The following MYCT1 variants were observed in gnomAD, a reference collection of about 807,000 sequenced individuals.
MYCT1 encodes myc target protein 1.
MYCT1 carries 12 observed loss-of-function variants against 15.0 expected under a neutral mutation model. That is an observed-to-expected ratio of 0.80 (90% CI 0.51 to 1.29). The LOEUF (loss-of-function observed/expected upper bound fraction) is 1.29. MYCT1 is among the 50% of genes most tolerant of loss of function. The pLI is 0.00. For missense variants in MYCT1, 287 were observed against 279.1 expected, an observed-to-expected ratio of 1.03 and a Z score of -0.20; for synonymous variants, 104 against 102.7, an observed-to-expected ratio of 1.01 and a Z score of -0.07.
intron 1 of MYCT1, chr6:152,706,267 ATCAGTTACTGGTT>A: frequency 1.5e-6 from 1 of 655,394 alleles, no homozygotes; most frequent in Non-Finnish European, 2.8e-6. Flanking sequence ...CACTGTAACC[ATCAGTTACTGGTT>A]TCAGTTGACA....
intron 1 of MYCT1, among the ~76,000 whole-genome samples, chr6:152,703,535 G>A (rs1318484894): frequency 1.3e-5 from 2 of 152,004 alleles, no homozygotes; most frequent in South Asian, 4.1e-4. Context: ...GTAAACTAAA[G>A]GCATCAATAC....
chr6:152,715,553 G>A (rs111975509), intron 1 of MYCT1, among the ~76,000 whole-genome samples: 3 of 105,976 alleles, frequency 2.8e-5, no homozygotes, highest in African/African-American at 9.6e-5. Context: ...ATGGTTATGC[G>A]TCTCATTCAC....
the MYCT1 span, among the ~76,000 whole-genome samples, chr6:152,731,638 G>A: frequency 2.0e-5 from 3 of 152,028 alleles, no homozygotes; most frequent in East Asian, 1.9e-4. Context: ...TTCTGTCCTT[G>A]CGATAGTTTG....
In MYCT1 at chr6:152,698,050, G is replaced by C. The variant is rs754609164; in HGVS notation, c.148G>C (p.Ala50Pro). ...TCTTCTATTTCTTGTGGATATTATG[G>C]CTAATAACACAACAAGTTTAGGGAG... ...LFLLFLVDIMANNTTSLGSPW... is the reference protein window; with the variant it reads ...LFLLFLVDIMPNNTTSLGSPW... The change falls in exon 1 of 2, where the codon GCT (alanine) becomes CCT (proline). Residue 50 changes from alanine to proline, a missense_variant. By Grantham distance (27) the Ala-to-Pro change is conservative. Coordinates refer to ENST00000367245, the MANE Select transcript of MYCT1 (RefSeq NM_025107.3). 3 of 1,604,816 alleles carry C rather than the reference G, an allele frequency of 1.9e-6. No homozygotes were observed. The South Asian group carries it at 3.4e-5, about 18-fold the overall frequency.
the MYCT1 span, among the ~76,000 whole-genome samples, chr6:152,745,520 T>G: frequency 6.6e-6 from 1 of 152,198 alleles, no homozygotes; most frequent in East Asian, 1.9e-4. Flanking sequence ...TTTTCAGATT[T>G]AAAATTCTAT....
In MYCT1 at chr6:152,723,960, G is replaced by A. The variant is rs550969841; in HGVS notation, c.*1707G>A. ...GTGTCTGAACATGGTTCAAGAATAA[G>A]AGATTCCATGTAGCATTTTCTTTAT... On this transcript the variant is annotated 3_prime_UTR_variant, in exon 2 of 2. Transcript: ENST00000367245. The A allele has an allele frequency of 6.6e-6, 1 of 152,112 alleles. No individual in the cohort carries two copies. Among genetic ancestry groups the A allele is most frequent in the Admixed American group, 6.6e-5 (1 of 15,256 alleles). 9.4% of individuals were successfully genotyped at this position (152,112 alleles called of 1,614,324 possible).
intron 1 of MYCT1, among the ~76,000 whole-genome samples, chr6:152,701,623 G>GA (rs147237617): frequency 0.026 from 3,882 of 152,160 alleles, 140 homozygotes; most frequent in African/African-American, 0.084. Flanking sequence ...GGAGAGGGGG[G>GA]ACCTTTGTGC....
At chr6:152,727,398 T>C (rs1043600990), downstream of MYCT1, among the ~76,000 whole-genome samples, 4 of 152,150 alleles carry the variant, frequency 2.6e-5, no homozygotes, top group African/African-American at 9.7e-5. Flanking sequence ...ATGAGCCTAA[T>C]GTGATTTGAA....
the MYCT1 span, among the ~76,000 whole-genome samples, chr6:152,742,085 G>A: frequency 6.6e-6 from 1 of 152,108 alleles, no homozygotes; most frequent in Non-Finnish European, 1.5e-5. Context: ...CACCTATTAC[G>A]TGACAGCAAC....
chr6:152,738,839 C>T, the MYCT1 span, among the ~76,000 whole-genome samples: 2 of 151,962 alleles, frequency 1.3e-5, no homozygotes, highest in South Asian at 4.1e-4. Flanking sequence ...CATGTCAGAA[C>T]AAAATTTTAG....
intron 1 of MYCT1, among the ~76,000 whole-genome samples, chr6:152,714,998 A>C (rs190211849): frequency 6.6e-6 from 1 of 152,122 alleles, no homozygotes; most frequent in Non-Finnish European, 1.5e-5. Flanking sequence ...TAGGGGGCCT[A>C]ATTCCAGATT....
At chr6:152,720,628 C>T (rs1014228882) in intron 1 of MYCT1, among the ~76,000 whole-genome samples, 4 of 152,080 alleles carry the variant, frequency 2.6e-5, no homozygotes, top group African/African-American at 9.7e-5. Flanking sequence ...GTTTTCCAGA[C>T]AGAAGCTTAA....
intron 1 of MYCT1, among the ~76,000 whole-genome samples, chr6:152,713,518 G>A (rs562596272): frequency 1.3e-5 from 2 of 152,206 alleles, no homozygotes; most frequent in Non-Finnish European, 2.9e-5. Context: ...AGAGTGTTAT[G>A]ATGTATGTTT....
the MYCT1 span, among the ~76,000 whole-genome samples, chr6:152,742,963 C>T: frequency 2.0e-5 from 3 of 152,104 alleles, no homozygotes; most frequent in Admixed American, 6.5e-5. Flanking sequence ...GCACCCTGTG[C>T]CTTCTCTATC....
chr6:152,733,577 C>A, the MYCT1 span, among the ~76,000 whole-genome samples: 1 of 152,176 alleles, frequency 6.6e-6, no homozygotes, highest in African/African-American at 2.4e-5. Context: ...TAAAGACAAT[C>A]CCTGTGAATG....
intron 1 of MYCT1, among the ~76,000 whole-genome samples, chr6:152,706,694 T>G (rs1163685431): frequency 6.6e-6 from 1 of 152,198 alleles, no homozygotes; most frequent in South Asian, 2.1e-4. Flanking sequence ...TAAGGTAGGC[T>G]AAGCTAAGCT....
At chr6:152,699,684 A>G (rs2129067629) in intron 1 of MYCT1, among the ~76,000 whole-genome samples, 1 of 152,264 alleles carries the variant, frequency 6.6e-6, no homozygotes, top group Non-Finnish European at 1.5e-5. Flanking sequence ...TTTTGCAAAA[A>G]TTAATATGTA....
intron 1 of MYCT1, among the ~76,000 whole-genome samples, chr6:152,716,925 T>C (rs1021220760): frequency 6.6e-5 from 10 of 152,198 alleles, no homozygotes; most frequent in African/African-American, 2.4e-4. Flanking sequence ...TCTCCTTAGA[T>C]TGTTGAGAAG....
the MYCT1 span, among the ~76,000 whole-genome samples, chr6:152,737,914 C>T: frequency 1.1e-4 from 17 of 152,208 alleles, no homozygotes; most frequent in African/African-American, 4.1e-4. Flanking sequence ...TTTCTTCTCT[C>T]AGTTTCTCCA....
Sources: gnomAD v4.1 joint callset for allele counts (sites outside exome capture counted in the v4.1 genomes callset) on GRCh38, gnomAD v4.1.1 for gene constraint, MANE v1.5 for transcripts, NCBI Gene and HGNC (gene_info 2026-07-23, HGNC 2026-07-21) for gene names.